The following ZNF324 variants were observed in gnomAD, a reference collection of about 807,000 sequenced individuals.
ZNF324 encodes zinc finger protein 324A.
A neutral mutation model predicts 10.3 loss-of-function variants in ZNF324; 3 were observed. That is an observed-to-expected ratio of 0.29 (90% CI 0.13 to 0.75). The LOEUF is 0.75. Ranked by LOEUF, ZNF324 falls within the 30% of genes least tolerant of loss-of-function variation. The pLI is 0.69. For missense variants in ZNF324, 763 were observed against 784.4 expected (o/e 0.97, Z 0.33); for synonymous variants, 430 against 339.5 (o/e 1.27, Z -2.93).
Position 58,469,708 on chromosome 19 carries a change from C to A in ZNF324, c.122-20C>A, listed in dbSNP as rs370809378. 1.9e-5 allele frequency: 29 copies of A among 1,555,120 alleles called. No homozygotes were observed. Among genetic ancestry groups the A allele is most frequent in the Non-Finnish European group, 2.4e-5 (28 of 1,146,738 alleles). Reference sequence around the variant, plus strand: ...ATCTTGAGCTGGGGCTGGACTCTAACCTGCACCTCCTCCTCACAGGACTCT... The same window carrying A: ...ATCTTGAGCTGGGGCTGGACTCTAAACTGCACCTCCTCCTCACAGGACTCT... On this transcript the variant is annotated intron_variant, in intron 2 of 3. Transcript: ENST00000196482.
At position 58,474,298 on chromosome 19, in the gene ZNF324, G is replaced by C. The variant is rs1196352451; in HGVS notation, c.*2144G>C. 1.3e-5 allele frequency: 2 copies of C among 152,248 alleles called. No individual in the cohort carries two copies. The highest frequency in any genetic ancestry group is 2.9e-5 in the Non-Finnish European group (2 of 68,068). 9.4% of individuals were successfully genotyped at this position (152,248 alleles called of 1,614,324 possible). ...GCACTTTTCTGGGGAGCCCATGGGA[G>C]TCAGGAGCAAAAGCATCTGTCAAAC... On this transcript the variant is annotated 3_prime_UTR_variant, in exon 4 of 4. Coordinates refer to ENST00000196482, the MANE Select transcript of ZNF324 (RefSeq NM_014347.3).
In ZNF324 at chr19:58,472,351, A is replaced by C. The variant is rs1461934756; in HGVS notation, c.*197A>C. ...ACAGATCACACCTCCATCCCCAAAG[A>C]GGTAGCACTGCAGCAACATCAGGGG... On this transcript the variant is annotated 3_prime_UTR_variant, in exon 4 of 4. Coordinates refer to ENST00000196482, the MANE Select transcript of ZNF324 (RefSeq NM_014347.3). The C allele has an allele frequency of 5.0e-6, 3 of 604,084 alleles. No homozygotes were observed. The highest frequency in any genetic ancestry group is 1.8e-5 in the African/African-American group (1 of 54,056). 37.4% of individuals were successfully genotyped at this position (604,084 alleles called of 1,614,324 possible). A position where few individuals can be genotyped will look rare whatever the true frequency, so the allele number is the denominator to read the frequency against.
rs1241903301 is a variant in ZNF324, at chr19:58,472,782, A to G, written c.*628A>G. ...GTGGGGTCCTAATGAGAGCCAACAC[A>G]TGCTCACTGCCAGCTCCTGTCCTGA... On this transcript the variant is annotated 3_prime_UTR_variant, in exon 4 of 4. Transcript: ENST00000196482. The G allele has an allele frequency of 6.6e-6, 1 of 152,318 alleles. No individual in the cohort carries two copies. The highest frequency in any genetic ancestry group is 1.5e-5 in the Non-Finnish European group (1 of 68,132). 9.4% of individuals were successfully genotyped at this position (152,318 alleles called of 1,614,324 possible). A position where few individuals can be genotyped will look rare whatever the true frequency, so the allele number is the denominator to read the frequency against.
In ZNF324 at chr19:58,472,339, C is replaced by G. The variant is rs1352605865; in HGVS notation, c.*185C>G. 1.6e-6 allele frequency: 1 copy of G among 633,346 alleles called. No homozygotes were observed. Among genetic ancestry groups the G allele is most frequent in the Non-Finnish European group, 2.7e-6 (1 of 376,116 alleles). The allele number at this position is 633,346 out of a possible 1,614,324, so 39.2% of individuals were successfully genotyped here. A position where few individuals can be genotyped will look rare whatever the true frequency, so the allele number is the denominator to read the frequency against. On this transcript the variant is annotated 3_prime_UTR_variant, in exon 4 of 4. Transcript: ENST00000196482. ...GCCAGTTCACCCACAGATCACACCTCCATCCCCAAAGAGGTAGCACTGCAG... is the reference window on the plus strand; with the variant it reads ...GCCAGTTCACCCACAGATCACACCTGCATCCCCAAAGAGGTAGCACTGCAG...
rs1382443979 is a variant in ZNF324 at position 58,471,257 on chromosome 19, G to A, written c.765G>A (p.Lys255=). The A allele has an allele frequency of 6.2e-7, 1 of 1,613,536 alleles. No homozygotes were observed. The highest frequency in any genetic ancestry group is 1.3e-5 in the African/African-American group (1 of 74,924). ...GCGAGGCTCTTCACGCTGGGGAGAAGTCCTTCGAATGCAGGGCGTGCAGCA... is the reference window on the plus strand; with the variant it reads ...GCGAGGCTCTTCACGCTGGGGAGAAATCCTTCGAATGCAGGGCGTGCAGCA... The part of the protein sequence containing the change: ...ELGEALHAGE[K]SFECRACSKV... The change falls in exon 4 of 4, where the codon AAG becomes AAA. Residue 255 remains lysine (K), a synonymous_variant. Coordinates refer to ENST00000196482, the MANE Select transcript of ZNF324 (RefSeq NM_014347.3).
At position 58,472,008 on chromosome 19, in the gene ZNF324, G is replaced by C; in HGVS notation, c.1516G>C (p.Glu506Gln). Residue 506 changes from glutamate (E) to glutamine (Q), a missense_variant, in exon 4 of 4, where the codon GAG (glutamate) becomes CAG (glutamine). By Grantham distance (29) the Glu-to-Gln change is conservative. Coordinates refer to ENST00000196482, the MANE Select transcript of ZNF324 (RefSeq NM_014347.3). ...CCACCACCAGAGGATCCATACCGGCGAGAAGACCGTCCGGCGATCCAGGGC... is the reference window on the plus strand; with the variant it reads ...CCACCACCAGAGGATCCATACCGGCCAGAAGACCGTCCGGCGATCCAGGGC... ...LFHHQRIHTG[E>Q]KTVRRSRASL... 3 of 1,608,034 alleles carry C rather than the reference G, an allele frequency of 1.9e-6. No homozygotes were observed. Among genetic ancestry groups the C allele is most frequent in the Non-Finnish European group, 2.5e-6 (3 of 1,179,742 alleles).
At position 58,469,079 on chromosome 19, in the gene ZNF324, G is replaced by A. The variant is rs577673009; in HGVS notation, c.-6-101G>A. 63 of 1,444,412 alleles carry A rather than the reference G, an allele frequency of 4.4e-5. No individual in the cohort carries two copies. The Admixed American group carries it at 1.1e-3, about 26-fold the overall frequency. 89.5% of individuals were successfully genotyped at this position (1,444,412 alleles called of 1,614,324 possible). ...TTATTAGTGTTAATGTATTTTATGT[G>A]TTGCCCAAGACAATTCTTCTTCCAA... On this transcript the variant is annotated intron_variant, in intron 1 of 3. Transcript: ENST00000196482.
chr19:58,470,920 A>T lies in ZNF324; in HGVS notation c.428A>T (p.Tyr143Phe). The T allele has an allele frequency of 6.2e-7, 1 of 1,614,180 alleles. No individual in the cohort carries two copies. Among genetic ancestry groups the T allele is most frequent in the Non-Finnish European group, 8.5e-7 (1 of 1,180,016 alleles). Reference protein sequence around the residue: ...ERKPTGVSVIYWERLLLGSGS... With the variant: ...ERKPTGVSVIFWERLLLGSGS... ...AAACCCACGGGGGTGTCGGTGATCT[A>T]CTGGGAGAGGCTCCTGCTAGGCTCA... Residue 143 changes from tyrosine (Y) to phenylalanine (F), a missense_variant, in exon 4 of 4, where the codon TAC (tyrosine) becomes TTC (phenylalanine). Tyr to Phe is a conservative substitution (Grantham distance 22, BLOSUM62 3). Around this residue, in one of 3 missense-constraint regions of ZNF324, gnomAD observed 379 missense variants for 319.4 expected, o/e 1.19. Coordinates refer to ENST00000196482, the MANE Select transcript of ZNF324 (RefSeq NM_014347.3).
chr19:58,472,053 A>G lies in ZNF324; in HGVS notation c.1561A>G (p.Arg521Gly), dbSNP rs752669190. The G allele has an allele frequency of 4.4e-6, 7 of 1,605,418 alleles. No individual in the cohort carries two copies. The highest frequency in any genetic ancestry group is 2.7e-5 in the African/African-American group (2 of 75,046). Reference sequence around the variant, plus strand: ...CAGGGCCAGCCTGCACCCCCAGGCCAGGTCTGTTGCCGGGGCATCATCAGA... The same window carrying G: ...CAGGGCCAGCCTGCACCCCCAGGCCGGGTCTGTTGCCGGGGCATCATCAGA... ...RSRASLHPQA[R>G]SVAGASSEGA... is the part of the protein sequence containing the mutation. Residue 521 changes from arginine to glycine, a missense_variant, in exon 4 of 4, where the codon AGG (arginine) becomes GGG (glycine). Arg to Gly is a moderately radical substitution (Grantham distance 125). Coordinates refer to ENST00000196482, the MANE Select transcript of ZNF324 (RefSeq NM_014347.3).
chr19:58,470,823 C>T lies in ZNF324; in HGVS notation c.331C>T (p.Pro111Ser), dbSNP rs2053023420. 1 of 1,614,232 alleles carries T rather than the reference C, an allele frequency of 6.2e-7. No individual in the cohort carries two copies. Residue 111 changes from proline (P) to serine (S), a missense_variant, in exon 4 of 4, where the codon CCT becomes TCT. This residue lies in a region of ZNF324 where 379 missense variants were observed against 319.4 expected (regional missense o/e 1.19). Coordinates refer to ENST00000196482, the MANE Select transcript of ZNF324 (RefSeq NM_014347.3). Reference sequence around the variant, plus strand: ...ACCTGGGATGACTACTAGCGTCTTCCCTGTTGCCGGTGCCTGCCACAGTGT... The same window carrying T: ...ACCTGGGATGACTACTAGCGTCTTCTCTGTTGCCGGTGCCTGCCACAGTGT... ...TPPGMTTSVF[P>S]VAGACHSVKS...
chr19:58,470,557 T>C, intron 3 of ZNF324, 174 bp from the exon 4 acceptor site: 1 of 777,948 alleles, frequency 1.3e-6, no homozygotes, highest in Non-Finnish European at 2.2e-6. Context: ...GCCATACCTA[T>C]CAGGGCAGAT....
In ZNF324 at chr19:58,471,080, A is replaced by G. The variant is rs61742224; in HGVS notation, c.588A>G (p.Lys196=). 0.011 allele frequency: 18,279 copies of G among 1,613,804 alleles called. 1,279 individuals are homozygous for G. In the African/African-American group the frequency reaches 0.18, roughly 16 times the overall value. Residue 196 remains lysine, a synonymous_variant, in exon 4 of 4, where the codon AAA becomes AAG. Coordinates refer to ENST00000196482, the MANE Select transcript of ZNF324 (RefSeq NM_014347.3). The part of the protein sequence containing the change: ...GRQPRTPERQ[K]PCAQEVPGRT... The stretch of plus-strand genomic sequence containing the variant: ...AGCCCAGGACGCCTGAGCGGCAGAA[A>G]CCATGTGCACAGGAGGTCCCTGGGA...
In ZNF324 at chr19:58,472,165, T is replaced by TGCA; in HGVS notation, c.*14_*16dup. Reference sequence around the variant, plus strand: ...CCAGCGGAGGTCTGAGGTCACAGGTTGCAGCCCTGGCCTTCTGTGAATCCC... The same window carrying TGCA: ...CCAGCGGAGGTCTGAGGTCACAGGTTGCAGCAGCCCTGGCCTTCTGTGAATCCC... On this transcript the variant is annotated 3_prime_UTR_variant, in exon 4 of 4. Transcript: ENST00000196482. The TGCA allele has an allele frequency of 6.4e-7, 1 of 1,561,092 alleles. No individual in the cohort carries two copies. The highest frequency in any genetic ancestry group is 2.3e-5 in the East Asian group (1 of 44,278).
At chr19:58,469,076 T>C in intron 1 of ZNF324, 104 bp from the exon 2 acceptor site, 1 of 1,384,014 alleles carries the variant, frequency 7.2e-7, no homozygotes, top group South Asian at 1.2e-5. Flanking sequence ...ATGTATTTTA[T>C]GTGTTGCCCA....
rs1303706473 is a variant in ZNF324, at chr19:58,474,082, T to A, written c.*1928T>A. 6.6e-6 allele frequency: 1 copy of A among 152,208 alleles called. No homozygotes were observed. Among genetic ancestry groups the A allele is most frequent in the East Asian group, 1.9e-4 (1 of 5,198 alleles). 9.4% of individuals were successfully genotyped at this position (152,208 alleles called of 1,614,324 possible). A position where few individuals can be genotyped will look rare whatever the true frequency, so the allele number is the denominator to read the frequency against. On this transcript the variant is annotated 3_prime_UTR_variant, in exon 4 of 4. Coordinates refer to ENST00000196482, the MANE Select transcript of ZNF324 (RefSeq NM_014347.3). Reference sequence around the variant, plus strand: ...CCAGATCCAGGCCCCACACACTTGATATTGGGGCCAGACTCTTCCACCTGT... The same window carrying A: ...CCAGATCCAGGCCCCACACACTTGAAATTGGGGCCAGACTCTTCCACCTGT...
Position 58,470,976 on chromosome 19 carries a change from C to G in ZNF324, c.484C>G (p.Leu162Val). 6.2e-7 allele frequency: 1 copy of G among 1,614,266 alleles called. No individual in the cohort carries two copies. Among genetic ancestry groups the G allele is most frequent in the Non-Finnish European group, 8.5e-7 (1 of 1,180,056 alleles). ...TGGGCAAGCCAGCGTCAGCCTGCGA[C>G]TGACCTCCCCGCTTAGGCCTCCCGA... ...GSGQASVSLRLTSPLRPPEGV... is the reference protein window; with the variant it reads ...GSGQASVSLRVTSPLRPPEGV... Residue 162 changes from leucine to valine, a missense_variant, in exon 4 of 4, where the codon CTG becomes GTG. By Grantham distance (32) the Leu-to-Val change is conservative. This residue lies in a region of ZNF324 where 379 missense variants were observed against 319.4 expected (regional missense o/e 1.19). Transcript: ENST00000196482.
At position 58,471,891 on chromosome 19, in the gene ZNF324, G is replaced by A. The variant is rs1279966220; in HGVS notation, c.1399G>A (p.Val467Met). 3.7e-6 allele frequency: 6 copies of A among 1,611,106 alleles called. No individual in the cohort carries two copies. The highest frequency in any genetic ancestry group is 5.1e-6 in the Non-Finnish European group (6 of 1,179,468). Residue 467 changes from valine to methionine, a missense_variant, in exon 4 of 4, where the codon GTG becomes ATG. Val to Met is a conservative substitution (Grantham distance 21). Coordinates refer to ENST00000196482, the MANE Select transcript of ZNF324 (RefSeq NM_014347.3). ...TGGCAAGGCCTTCGCCAAGGGCGCC[G>A]TGCTGCTCAGCCACCGGCGCATTCA... ...DCGKAFAKGA[V>M]LLSHRRIHTG...
Position 58,471,196 on chromosome 19 carries a change from T to G in ZNF324, c.704T>G (p.Leu235Arg), listed in dbSNP as rs966066768. 1.2e-6 allele frequency: 2 copies of G among 1,613,300 alleles called. No homozygotes were observed. The highest frequency in any genetic ancestry group is 1.3e-5 in the African/African-American group (1 of 75,018). Residue 235 changes from leucine (L) to arginine (R), a missense_variant, in exon 4 of 4, where the codon CTC becomes CGC. Leu to Arg is a moderately radical substitution (Grantham distance 102). Coordinates refer to ENST00000196482, the MANE Select transcript of ZNF324 (RefSeq NM_014347.3). ...GAVWQEPHRL[L>R]GGQEPSTWDE... ...GTTTGGCAGGAGCCTCATAGACTCCTCGGTGGCCAGGAGCCCTCGACCTGG... is the reference window on the plus strand; with the variant it reads ...GTTTGGCAGGAGCCTCATAGACTCCGCGGTGGCCAGGAGCCCTCGACCTGG...
chr19:58,469,834 G>A lies in ZNF324; in HGVS notation c.228G>A (p.Arg76=). The A allele has an allele frequency of 6.3e-7, 1 of 1,599,074 alleles. No individual in the cohort carries two copies. The highest frequency in any genetic ancestry group is 8.5e-7 in the Non-Finnish European group (1 of 1,172,830). ...CCCTGTCCAGGACCACCTACAGGAG[G>A]CGCAACCCTGGTGAGAGGGAGCTCA... ...DTTLSRTTYR[R]RNPGSWSLTE... The change falls in exon 3 of 4, where the codon AGG becomes AGA. Residue 76 remains arginine (R), a synonymous_variant. Coordinates refer to ENST00000196482, the MANE Select transcript of ZNF324 (RefSeq NM_014347.3).
Sources: gnomAD v4.1 joint callset for allele counts on GRCh38, gnomAD v4.1.1 for gene constraint, gnomAD v4.1.1 regional missense constraint, MANE v1.5 for transcripts, NCBI Gene and HGNC (gene_info 2026-07-23, HGNC 2026-07-21) for gene names.